Variants in MCPH1 observed in about 807,000 individuals in gnomAD.
The protein encoded by MCPH1 is microcephalin 1.
Under a neutral mutation model 84.5 loss-of-function variants are expected in MCPH1, and 104 were observed. The ratio of observed to expected loss-of-function variants is 1.23; its 90% CI spans 1.05 to 1.45. The LOEUF is 1.45. Ranked by LOEUF, MCPH1 falls within the 40% of genes most tolerant of loss-of-function variation. MCPH1 has a pLI of 0.00. For synonymous variants in MCPH1, 514 were observed against 366.8 expected (o/e 1.40, Z -4.58); for missense variants, 1,498 against 1,005.7 (o/e 1.49, Z -6.62).
chr8:6,504,512 G>A (rs1056561949), intron 12 of MCPH1, among the ~76,000 whole-genome samples: 1 of 152,034 alleles, frequency 6.6e-6, no homozygotes, highest in African/African-American at 2.4e-5. Context: ...GATTGTCACA[G>A]TATCGCAGTG....
chr8:6,503,659 G>T (rs2916702), intron 12 of MCPH1, among the ~76,000 whole-genome samples: 5 of 151,988 alleles, frequency 3.3e-5, no homozygotes, highest in African/African-American at 1.2e-4. Flanking sequence ...GGCTGGACTC[G>T]CTCAGGCTCC....
chr8:6,558,966 T>C (rs989569271), intron 12 of MCPH1, among the ~76,000 whole-genome samples: 1 of 152,186 alleles, frequency 6.6e-6, no homozygotes, highest in African/African-American at 2.4e-5. Flanking sequence ...GCAGTTCCCC[T>C]ACCATAGTGA....
At chr8:6,562,359 GTA>G (rs1825663075) in intron 12 of MCPH1, among the ~76,000 whole-genome samples, 1 of 152,066 alleles carries the variant, frequency 6.6e-6, no homozygotes. Flanking sequence ...GTGCAGGGAA[GTA>G]TATTTCCTCT....
At chr8:6,581,166 G>A (rs1267415038) in intron 12 of MCPH1, among the ~76,000 whole-genome samples, 3 of 152,116 alleles carry the variant, frequency 2.0e-5, no homozygotes, top group African/African-American at 7.2e-5. Flanking sequence ...GGGGGTCTTG[G>A]AACCCCACAA....
intron 12 of MCPH1, chr8:6,532,593 T>A (rs1376110800): frequency 1.2e-5 from 8 of 695,142 alleles, no homozygotes; most frequent in African/African-American, 2.2e-5. Context: ...AAAAAAAAAA[T>A]CTATCAAAAG....
chr8:6,409,780 T>C (rs1798280045), intron 2 of MCPH1, among the ~76,000 whole-genome samples: 1 of 151,962 alleles, frequency 6.6e-6, no homozygotes, highest in African/African-American at 2.4e-5. Flanking sequence ...ATCTAGGGGG[T>C]CAGGACCATA....
chr8:6,535,479 G>A (rs753781440), intron 12 of MCPH1, among the ~76,000 whole-genome samples: 2 of 152,158 alleles, frequency 1.3e-5, no homozygotes, highest in Admixed American at 6.5e-5. Context: ...GGATGACTAA[G>A]TATAGGTTCA....
At chr8:6,485,175 A>G (rs1809727652) in intron 11 of MCPH1, among the ~76,000 whole-genome samples, 1 of 152,094 alleles carries the variant, frequency 6.6e-6, no homozygotes, top group African/African-American at 2.4e-5. Flanking sequence ...AAATAGAAAA[A>G]TTAGCTGGGC....
chr8:6,409,971 G>A (rs1175609063), intron 2 of MCPH1, among the ~76,000 whole-genome samples: 4 of 149,062 alleles, frequency 2.7e-5, no homozygotes, highest in Non-Finnish European at 1.5e-5. Flanking sequence ...TCAAAGTAGG[G>A]AGTAATTTTT....
intron 12 of MCPH1, among the ~76,000 whole-genome samples, chr8:6,577,899 C>G (rs911144144): frequency 1.3e-5 from 2 of 152,208 alleles, no homozygotes; most frequent in Non-Finnish European, 2.9e-5. Flanking sequence ...TCCTCCGCCT[C>G]CGGAGTAGCT....
chr8:6,512,375 G>A (rs3780088), intron 12 of MCPH1, among the ~76,000 whole-genome samples: 9,938 of 152,214 alleles, frequency 0.065, 391 homozygotes, highest in African/African-American at 0.11. Flanking sequence ...GTCGTGGAGC[G>A]GAGTGTCTGA....
intron 11 of MCPH1, among the ~76,000 whole-genome samples, chr8:6,489,641 TG>T (rs1437144924): frequency 6.6e-6 from 1 of 152,186 alleles, no homozygotes; most frequent in Non-Finnish European, 1.5e-5. Flanking sequence ...ATTGCTGATA[TG>T]TTATTCCTAG....
chr8:6,490,085 C>T (rs1360361190), intron 11 of MCPH1, among the ~76,000 whole-genome samples: 1 of 90,800 alleles, frequency 1.1e-5, no homozygotes, highest in Non-Finnish European at 2.4e-5. Flanking sequence ...CAACATTTGC[C>T]TTATGACTGA....
At chr8:6,476,103 C>G (rs1489511107) in intron 9 of MCPH1, among the ~76,000 whole-genome samples, 4 of 152,124 alleles carry the variant, frequency 2.6e-5, no homozygotes, top group Admixed American at 2.6e-4. Flanking sequence ...TACAGACATA[C>G]AAACAGACAT....
chr8:6,415,305 T>TTTTTTTA (rs1554476816), intron 3 of MCPH1, among the ~76,000 whole-genome samples: 1 of 151,180 alleles, frequency 6.6e-6, no homozygotes, highest in Non-Finnish European at 1.5e-5. Context: ...CTTTTTTTTT[T>TTTTTTTA]GAGACAAAGT....
Position 6,416,380 on chromosome 8 carries a change from G to A in MCPH1, c.233+1497G>A, listed in dbSNP as rs998032864. Among the ~76,000 whole-genome samples, 5 of 152,160 alleles carry A rather than the reference G, an allele frequency of 3.3e-5. No individual in the cohort carries two copies. The East Asian group carries it at 9.6e-4, about 29-fold the overall frequency. On this transcript the variant is annotated intron_variant, in intron 3 of 13. Transcript: ENST00000344683. The stretch of plus-strand genomic sequence containing the variant: ...AAGTGGTGAGAATGGACGTCCTTGT[G>A]TTGTTGCTCATCTTTGGAGAAAAGC...
intron 12 of MCPH1, among the ~76,000 whole-genome samples, chr8:6,579,438 G>C (rs1304580302): frequency 6.6e-6 from 1 of 152,220 alleles, no homozygotes; most frequent in Non-Finnish European, 1.5e-5. Flanking sequence ...ATATGTCCTT[G>C]TGTTGGCAGA....
At chr8:6,527,447 A>G (rs910758467) in intron 12 of MCPH1, 4 of 1,390,210 alleles carry the variant, frequency 2.9e-6, no homozygotes, top group Non-Finnish European at 3.9e-6. Context: ...TGACCCTTAC[A>G]CTAGACATGA....
At chr8:6,481,063 C>T (rs1809168112) in intron 11 of MCPH1, among the ~76,000 whole-genome samples, 187 bp downstream of exon 11, 1 of 152,144 alleles carries the variant, frequency 6.6e-6, no homozygotes, top group African/African-American at 2.4e-5. Context: ...TCAACCAGGG[C>T]CAAGTTCTGG....
Sources: allele counts gnomAD v4.1 joint callset (sites outside exome capture counted in the v4.1 genomes callset), GRCh38; gene constraint gnomAD v4.1.1; transcripts MANE v1.5; gene names NCBI Gene and HGNC (gene_info 2026-07-23, HGNC 2026-07-21).